The following GLI4 variants were observed in gnomAD, a reference collection of about 807,000 sequenced individuals.
GLI4 encodes the protein GLI family zinc finger 4.
Under a neutral mutation model 30.9 loss-of-function variants are expected in GLI4, and 34 were observed. The ratio of observed to expected loss-of-function variants is 1.10; its 90% confidence interval spans 0.84 to 1.47. GLI4 has a LOEUF of 1.47. Among genes scored for constraint, GLI4 ranks in the 40% most tolerant of loss-of-function variants. GLI4 has a pLI of 0.00. For missense variants in GLI4, 696 were observed against 538.9 expected (o/e 1.29, Z -2.89); for synonymous variants, 277 against 236.7 (o/e 1.17, Z -1.56).
intron 3 of GLI4, chr8:143,275,058 C>A (rs1443893270): frequency 4.6e-6 from 7 of 1,534,212 alleles, no homozygotes; most frequent in Non-Finnish European, 6.1e-6. Flanking sequence ...CTCCTGCCGG[C>A]CCCAGCTGGA....
intron 3 of GLI4, chr8:143,275,173 C>T: frequency 9.1e-6 from 14 of 1,534,968 alleles, no homozygotes; most frequent in Non-Finnish European, 1.1e-5. Context: ...CCTGTGTCCC[C>T]TCCTCCTCCT....
At chr8:143,275,151 T>C in intron 3 of GLI4, 3 of 1,535,712 alleles carry the variant, frequency 2.0e-6, no homozygotes, top group Non-Finnish European at 2.6e-6. Context: ...TCCCCCCAGA[T>C]CCACGAGTTA....
At chr8:143,272,518 T>A (rs1189095934) in intron 2 of GLI4, 1 of 152,382 alleles carries the variant, frequency 6.6e-6, no homozygotes, top group Admixed American at 6.5e-5. Flanking sequence ...ACACTGTCCC[T>A]GTGTCACAGC....
intron 2 of GLI4, 93 bp downstream of exon 2, chr8:143,269,613 C>T (rs1406612826): frequency 2.8e-6 from 3 of 1,072,676 alleles, no homozygotes; most frequent in Non-Finnish European, 4.3e-6. Context: ...CGCTGGCTGA[C>T]TTGAGAGGCG....
At chr8:143,274,631 A>T in intron 2 of GLI4, 73 bp from the exon 3 acceptor site, 1 of 1,441,264 alleles carries the variant, frequency 6.9e-7, no homozygotes, top group South Asian at 1.3e-5. Context: ...GCCCGGGAGC[A>T]CGTGGCGGTC....
intron 1 of GLI4, 61 bp downstream of exon 1, chr8:143,267,545 C>T (rs1038795773): frequency 8.1e-6 from 8 of 985,542 alleles, no homozygotes; most frequent in Non-Finnish European, 9.6e-6. Context: ...AGTCCGAGCT[C>T]GTGCGCCGTA....
At chr8:143,271,702 C>T (rs1021658407) in intron 2 of GLI4, among the ~76,000 whole-genome samples, 11 of 152,098 alleles carry the variant, frequency 7.2e-5, no homozygotes, top group Admixed American at 3.3e-4. Flanking sequence ...GGCACCAGGC[C>T]GTGACGTATC....
Position 143,276,562 on chromosome 8 carries a change from T to C in GLI4, c.889T>C (p.Cys297Arg), listed in dbSNP as rs767638352. Reference sequence around the variant, plus strand: ...GCACACGGGTGAGAAGCCCTACGCCTGCAGCCAGTGCGGCAAGGCCTTCAT... The same window carrying C: ...GCACACGGGTGAGAAGCCCTACGCCCGCAGCCAGTGCGGCAAGGCCTTCAT... ...RLHTGEKPYA[C>R]SQCGKAFIWS... The change falls in exon 4 of 4, where the codon TGC (cysteine) becomes CGC (arginine). Residue 297 changes from cysteine to arginine, a missense_variant. Physicochemically the swap from Cys to Arg is radical, Grantham distance 180. Coordinates refer to ENST00000340042, the MANE Select transcript of GLI4 (RefSeq NM_138465.4). 1.2e-6 allele frequency: 2 copies of C among 1,612,262 alleles called. No homozygotes were observed.
Position 143,274,789 on chromosome 8 carries a change from C to A in GLI4, c.210C>A (p.Asp70Glu). ...QDVEEVEIGR[D>E]TFWPDSEPKP... ...TAGAGGAAGTGGAGATCGGCAGAGACACCTTCTGGCCCGGTGAGTGAGCAG... is the reference window on the plus strand; with the variant it reads ...TAGAGGAAGTGGAGATCGGCAGAGAAACCTTCTGGCCCGGTGAGTGAGCAG... Residue 70 changes from aspartate (D) to glutamate (E), a missense_variant, in exon 3 of 4, where the codon GAC becomes GAA. By Grantham distance (45) the Asp-to-Glu change is conservative (BLOSUM62 2). Transcript: ENST00000340042. The A allele has an allele frequency of 6.4e-7, 1 of 1,563,750 alleles. No homozygotes were observed. Among genetic ancestry groups the A allele is most frequent in the Admixed American group, 1.8e-5 (1 of 54,974 alleles).
At chr8:143,269,123 T>C (rs1407897054) in intron 1 of GLI4, among the ~76,000 whole-genome samples, 6 of 152,180 alleles carry the variant, frequency 3.9e-5, no homozygotes, top group Non-Finnish European at 7.3e-5. Flanking sequence ...ATTACAGGCA[T>C]GAGCCACCGT....
intron 2 of GLI4, among the ~76,000 whole-genome samples, chr8:143,270,542 T>C (rs1815245377): frequency 6.6e-6 from 1 of 152,174 alleles, no homozygotes; most frequent in African/African-American, 2.4e-5. Flanking sequence ...GGCCAGGGGC[T>C]ACCTGGAAGG....
intron 1 of GLI4, among the ~76,000 whole-genome samples, chr8:143,268,472 G>A (rs114713511): frequency 1.2e-4 from 19 of 152,348 alleles, no homozygotes; most frequent in African/African-American, 4.6e-4. Context: ...TCCCAGTGCT[G>A]CTGCAGGGCT....
intron 2 of GLI4, chr8:143,273,179 G>A (rs115422575): frequency 6.6e-6 from 1 of 152,266 alleles, no homozygotes; most frequent in East Asian, 1.9e-4. Flanking sequence ...CCCTCTGTAG[G>A]AGCATGGCGC....
rs1447355352 is a variant in GLI4 at position 143,276,335 on chromosome 8, G to C, written c.662G>C (p.Arg221Pro). The C allele has an allele frequency of 1.2e-6, 2 of 1,610,702 alleles. No individual in the cohort carries two copies. Among genetic ancestry groups the C allele is most frequent in the East Asian group, 2.2e-5 (1 of 44,754 alleles). The change falls in exon 4 of 4, where the codon CGC becomes CCC. Residue 221 changes from arginine to proline, a missense_variant. Arg to Pro is a moderately radical substitution (Grantham distance 103). Coordinates refer to ENST00000340042, the MANE Select transcript of GLI4 (RefSeq NM_138465.4). ...YACHECGKRF[R>P]GWSGFIQHHR... Reference sequence around the variant, plus strand: ...TGCCACGAGTGCGGCAAGCGCTTCCGCGGCTGGTCGGGCTTCATCCAGCAC... The same window carrying C: ...TGCCACGAGTGCGGCAAGCGCTTCCCCGGCTGGTCGGGCTTCATCCAGCAC...
Position 143,269,504 on chromosome 8 carries a change from C to G in GLI4, c.108C>G (p.Leu36=). 1 of 1,613,104 alleles carries G rather than the reference C, an allele frequency of 6.2e-7. No homozygotes were observed. Among genetic ancestry groups the G allele is most frequent in the South Asian group, 1.1e-5 (1 of 91,078 alleles). Residue 36 remains leucine, a synonymous_variant, in exon 2 of 4, where the codon CTC becomes CTG. Coordinates refer to ENST00000340042, the MANE Select transcript of GLI4 (RefSeq NM_138465.4). Reference sequence around the variant, plus strand: ...AGCACCACGAGCCTCAGCTTCACCTCCATGGGCATCAACATGGTACTCACC... The same window carrying G: ...AGCACCACGAGCCTCAGCTTCACCTGCATGGGCATCAACATGGTACTCACC... ...GTQHHEPQLH[L]HGHQHGSPGS...
rs533311596 is a variant in GLI4 at position 143,271,079 on chromosome 8, G to A, written c.124+1559G>A. ...CAGGCCTGGAAGCCTCCTGGGCACT[G>A]GAGCCATGTCCGAGTGCCCTGAAAC... On this transcript the variant is annotated intron_variant, in intron 2 of 3. Transcript: ENST00000340042. 1.9e-4 allele frequency among the ~76,000 whole-genome samples: 29 copies of A among 152,338 alleles called. No homozygotes were observed. The East Asian group carries it at 4.1e-3, about 21-fold the overall frequency.
rs151139903 is a variant in GLI4 at position 143,276,538 on chromosome 8, C to T, written c.865C>T (p.His289Tyr). 32 of 1,612,616 alleles carry T rather than the reference C, an allele frequency of 2.0e-5. No individual in the cohort carries two copies. Among genetic ancestry groups the T allele is most frequent in the Non-Finnish European group, 2.5e-5 (30 of 1,179,802 alleles). ...CAACCTGGTGCGCCACCAGCGGCTG[C>T]ACACGGGTGAGAAGCCCTACGCCTG... ...SSNLVRHQRL[H>Y]TGEKPYACSQ... Residue 289 changes from histidine (H) to tyrosine (Y), a missense_variant, in exon 4 of 4, where the codon CAC becomes TAC. Physicochemically the swap from His to Tyr is moderately conservative, Grantham distance 83. Transcript: ENST00000340042.
rs1189944310 is a variant in GLI4 at position 143,276,534 on chromosome 8, G to A, written c.861G>A (p.Arg287=). The A allele has an allele frequency of 1.2e-6, 2 of 1,610,018 alleles. No individual in the cohort carries two copies. The highest frequency in any genetic ancestry group is 2.7e-5 in the African/African-American group (2 of 73,820). ...GCTCCAACCTGGTGCGCCACCAGCG[G>A]CTGCACACGGGTGAGAAGCCCTACG... is the stretch of plus-strand genomic sequence containing the variant. The part of the protein sequence containing the change: ...SQSSNLVRHQ[R]LHTGEKPYAC... Residue 287 remains arginine, a synonymous_variant, in exon 4 of 4, where the codon CGG becomes CGA. Transcript: ENST00000340042.
chr8:143,268,370 A>G (rs1054738159), intron 1 of GLI4, among the ~76,000 whole-genome samples: 1 of 152,182 alleles, frequency 6.6e-6, no homozygotes, highest in Non-Finnish European at 1.5e-5. Flanking sequence ...TTCCTACTCT[A>G]TCACAGTATG....
Sources: allele counts gnomAD v4.1 joint callset (sites outside exome capture counted in the v4.1 genomes callset), GRCh38; gene constraint gnomAD v4.1.1; transcripts MANE v1.5; gene names NCBI Gene and HGNC (gene_info 2026-07-23, HGNC 2026-07-21).